The following FCN1 variants were observed in gnomAD, a reference collection of about 807,000 sequenced individuals.
FCN1 encodes ficolin 1.
FCN1 carries 42 observed loss-of-function variants against 35.6 expected under a neutral mutation model. That is an observed-to-expected ratio of 1.18 (90% CI 0.92 to 1.53). The LOEUF is 1.53. Ranked by LOEUF, FCN1 falls within the 40% of genes most tolerant of loss-of-function variation. The pLI, the probability that FCN1 is intolerant of heterozygous loss-of-function variation, is 0.00. For missense variants in FCN1, 439 were observed against 428.4 expected (o/e 1.02, Z -0.22); for synonymous variants, 179 against 169.8 (o/e 1.05, Z -0.42).
intron 2 of FCN1, among the ~76,000 whole-genome samples, chr9:134,915,893 C>T (rs964434757): frequency 6.6e-5 from 10 of 152,142 alleles, no homozygotes; most frequent in African/African-American, 2.4e-4. Context: ...CCCTCTGTGC[C>T]CTGAAGTAGA....
rs963828817 is a variant in FCN1, at chr9:134,904,207, T to C, written c.*5591A>G. Among the ~76,000 whole-genome samples the C allele has an allele frequency of 2.6e-5, 4 of 152,188 alleles. No individual in the cohort carries two copies. Among genetic ancestry groups the C allele is most frequent in the Non-Finnish European group, 5.9e-5 (4 of 68,026 alleles). ...CAGAGAAAGTCTCATCCAGGCACCTTGTAGTAAAACTATCAAGGCAAAGAA... is the reference window on the plus strand; with the variant it reads ...CAGAGAAAGTCTCATCCAGGCACCTCGTAGTAAAACTATCAAGGCAAAGAA... On this transcript the variant is annotated 3_prime_UTR_variant, in exon 9 of 9. Transcript: ENST00000371806.
At position 134,905,021 on chromosome 9, in the gene FCN1, T is replaced by A. The variant is rs1284937916; in HGVS notation, c.*4777A>T. ...GAATGGCATAAAAAGCAGAAGGGAG[T>A]GAATGTAGTTAGAGGTGTTTCAAAG... On this transcript the variant is annotated 3_prime_UTR_variant, in exon 9 of 9. Transcript: ENST00000371806. 1.3e-5 allele frequency among the ~76,000 whole-genome samples: 2 copies of A among 151,392 alleles called. No individual in the cohort carries two copies. Among genetic ancestry groups the A allele is most frequent in the African/African-American group, 4.9e-5 (2 of 41,114 alleles).
chr9:134,916,590 G>A (rs1023540234), intron 1 of FCN1, 129 bp from the exon 2 acceptor site: 5 of 915,416 alleles, frequency 5.5e-6, no homozygotes, highest in Non-Finnish European at 8.7e-6. Context: ...ATGTGATGGG[G>A]GGCAGAGCTC....
intron 1 of FCN1, among the ~76,000 whole-genome samples, chr9:134,916,819 A>G (rs1358208770): frequency 1.3e-5 from 2 of 152,264 alleles, no homozygotes; most frequent in Admixed American, 6.5e-5. Flanking sequence ...GGCACTTTCA[A>G]TAACTAATGA....
At chr9:134,911,380 T>C (rs1414477742) in intron 7 of FCN1, 113 bp from the exon 8 acceptor site, 1 of 929,808 alleles carries the variant, frequency 1.1e-6, no homozygotes, top group African/African-American at 1.7e-5. Context: ...GTTCCGCTCT[T>C]GTTGCCCAGG....
intron 2 of FCN1, 145 bp from the exon 3 acceptor site, chr9:134,914,954 C>A (rs1013219214): frequency 3.5e-5 from 23 of 654,074 alleles, no homozygotes; most frequent in African/African-American, 5.4e-5. Flanking sequence ...GAATTGCTAG[C>A]CATGGATTTA....
At position 134,904,841 on chromosome 9, in the gene FCN1, C is replaced by A. The variant is rs991343301; in HGVS notation, c.*4957G>T. On this transcript the variant is annotated 3_prime_UTR_variant, in exon 9 of 9. Transcript: ENST00000371806. The stretch of plus-strand genomic sequence containing the variant: ...TTGTCAGGCAGCAAGAAGATGATCT[C>A]ACACCAAAAATAATAATAATAATAA... Among the ~76,000 whole-genome samples the A allele has an allele frequency of 1.3e-5, 2 of 151,700 alleles. No homozygotes were observed. Among genetic ancestry groups the A allele is most frequent in the African/African-American group, 4.8e-5 (2 of 41,254 alleles).
At chr9:134,913,327 G>A (rs1831050337) in intron 5 of FCN1, among the ~76,000 whole-genome samples, 184 bp from the exon 6 acceptor site, 1 of 152,192 alleles carries the variant, frequency 6.6e-6, no homozygotes, top group Non-Finnish European at 1.5e-5. Context: ...CACCCAGTCT[G>A]CCGACCCTCC....
At position 134,912,512 on chromosome 9, in the gene FCN1, T is replaced by C. The variant is rs756450443; in HGVS notation, c.572A>G (p.Asp191Gly). Residue 191 changes from aspartate (D) to glycine (G), a missense_variant, in exon 7 of 9, where the codon GAC becomes GGC. Asp to Gly is a moderately conservative substitution (Grantham distance 94). Transcript: ENST00000371806. ...SQLGEFWLGN[D>G]NIHALTAQGS... is the part of the protein sequence containing the mutation. ...CTGGGCAGTCAGGGCGTGGATGTTG[T>C]CATTCCCCAGCCAGAACTCCCCCAG... The C allele has an allele frequency of 1.9e-6, 3 of 1,613,996 alleles. No individual in the cohort carries two copies. Among genetic ancestry groups the C allele is most frequent in the Non-Finnish European group, 2.5e-6 (3 of 1,179,944 alleles).
Position 134,908,907 on chromosome 9 carries a change from C to G in FCN1, c.*891G>C. ...ACGTTGATTCTGCCCCTCTGGCCTT[C>G]CTTTGGTTCCCTTAGTGTCCTTCGG... On this transcript the variant is annotated 3_prime_UTR_variant, in exon 9 of 9. Coordinates refer to ENST00000371806, the MANE Select transcript of FCN1 (RefSeq NM_002003.5). 1 of 230,458 alleles carries G rather than the reference C, an allele frequency of 4.3e-6. No homozygotes were observed. The highest frequency in any genetic ancestry group is 5.6e-5 in the South Asian group (1 of 18,000). The allele number at this position is 230,458 out of a possible 1,614,324, so 14.3% of individuals were successfully genotyped here. A position where few individuals can be genotyped will look rare whatever the true frequency, so the allele number is the denominator to read the frequency against.
Position 134,909,922 on chromosome 9 carries a change from G to T in FCN1, c.857C>A (p.Ser286Ter). 2 of 1,614,184 alleles carry T rather than the reference G, an allele frequency of 1.2e-6. No individual in the cohort carries two copies. The highest frequency in any genetic ancestry group is 1.7e-6 in the Non-Finnish European group (2 of 1,180,034). The change falls in exon 9 of 9, where the codon TCA becomes TAA. Residue 286 changes from serine to a stop codon, truncating the protein, a stop_gained. Transcript: ENST00000371806. LOFTEE classifies it low-confidence loss of function (END_TRUNC). ...GAWWYADCHA[S>*]NLNGLYLMGP... ...CATGAGGTAGAGACCATTGAGGTTTGAAGCATGACAGTCGGCGTACCACCA... is the reference window on the plus strand; with the variant it reads ...CATGAGGTAGAGACCATTGAGGTTTTAAGCATGACAGTCGGCGTACCACCA...
chr9:134,916,249 A>G (rs1311066427), intron 2 of FCN1, 99 bp downstream of exon 2: 3 of 929,506 alleles, frequency 3.2e-6, no homozygotes, highest in East Asian at 2.4e-5. Context: ...TGATCTAGGA[A>G]CCACGGTGGG....
chr9:134,915,188 C>T (rs997352836), intron 2 of FCN1, among the ~76,000 whole-genome samples: 41 of 152,316 alleles, frequency 2.7e-4, no homozygotes, highest in African/African-American at 9.1e-4. Context: ...AGAGCCTCAT[C>T]CTACCACGTC....
intron 3 of FCN1, 98 bp downstream of exon 3, chr9:134,914,658 T>G: frequency 1.1e-6 from 1 of 942,742 alleles, no homozygotes; most frequent in Non-Finnish European, 1.7e-6. Flanking sequence ...TCTGTGTCTG[T>G]GTCTGTGTCT....
Position 134,903,302 on chromosome 9 carries a change from T to G in FCN1, c.*6496A>C, listed in dbSNP as rs1830907530. Among the ~76,000 whole-genome samples, 1 of 152,180 alleles carries G rather than the reference T, an allele frequency of 6.6e-6. No homozygotes were observed. ...ATAGACTTTTCAGTAGACAACAGCATAAAACATATTCTTTTCAAGTTCAAA... is the reference window on the plus strand; with the variant it reads ...ATAGACTTTTCAGTAGACAACAGCAGAAAACATATTCTTTTCAAGTTCAAA... On this transcript the variant is annotated 3_prime_UTR_variant, in exon 9 of 9. Coordinates refer to ENST00000371806, the MANE Select transcript of FCN1 (RefSeq NM_002003.5).
chr9:134,913,524 C>G, intron 5 of FCN1, 57 bp downstream of exon 5: 1 of 1,448,372 alleles, frequency 6.9e-7, no homozygotes, highest in Non-Finnish European at 9.5e-7. Flanking sequence ...ACGTGTGCAG[C>G]TGGCCCCAGG....
rs1284793096 is a variant in FCN1, at chr9:134,906,375, C to A, written c.*3423G>T. 6.6e-6 allele frequency: 1 copy of A among 152,104 alleles called. No homozygotes were observed. The highest frequency in any genetic ancestry group is 1.5e-5 in the Non-Finnish European group (1 of 68,016). The allele number at this position is 152,104 out of a possible 1,614,324, so 9.4% of individuals were successfully genotyped here. A position where few individuals can be genotyped will look rare whatever the true frequency, so the allele number is the denominator to read the frequency against. ...AAGACCTGCAAATCTTAAGAGTCAC[C>A]TTTTTAGAGCTTTTGGATACCATAA... is the stretch of plus-strand genomic sequence containing the variant. On this transcript the variant is annotated 3_prime_UTR_variant, in exon 9 of 9. Transcript: ENST00000371806.
At chr9:134,914,870 T>C in intron 2 of FCN1, 61 bp from the exon 3 acceptor site, 1 of 1,401,826 alleles carries the variant, frequency 7.1e-7, no homozygotes, top group Non-Finnish European at 1.0e-6. Context: ...TCCCTGGAAA[T>C]CTTTGCCCCA....
chr9:134,910,615 A>G (rs1302403550), intron 8 of FCN1, among the ~76,000 whole-genome samples: 2 of 152,154 alleles, frequency 1.3e-5, no homozygotes, highest in Non-Finnish European at 2.9e-5. Flanking sequence ...CAAGGCTGTC[A>G]TTTCCAAGGC....
Sources: gnomAD v4.1 joint callset for allele counts (sites outside exome capture counted in the v4.1 genomes callset) on GRCh38, gnomAD v4.1.1 for gene constraint, MANE v1.5 for transcripts, NCBI Gene and HGNC (gene_info 2026-07-23, HGNC 2026-07-21) for gene names.